The following MED27 variants were observed in gnomAD, a reference collection of about 807,000 sequenced individuals.
MED27 encodes the protein mediator complex subunit 27.
Under a neutral mutation model 38.2 loss-of-function variants are expected in MED27, and 30 were observed. That is an observed-to-expected ratio of 0.79 (90% CI 0.59 to 1.07). The LOEUF is 1.07. Among genes scored for constraint, MED27 ranks in the 50% least tolerant of loss-of-function variants. The probability of loss-of-function intolerance (pLI) is 0.00; values close to 1 mark genes in which losing one functional copy is unlikely to be tolerated. For synonymous variants in MED27, 122 were observed against 153.5 expected (o/e 0.79, Z 1.52); for missense variants, 289 against 397.5 (o/e 0.73, Z 2.32).
At chr9:132,056,660 A>G (rs929402916) in intron 2 of MED27, among the ~76,000 whole-genome samples, 1 of 152,226 alleles carries the variant, frequency 6.6e-6, no homozygotes, top group Non-Finnish European at 1.5e-5. Context: ...GAGCTCTTTC[A>G]GAAAAGCAAC....
intron 3 of MED27, among the ~76,000 whole-genome samples, chr9:131,944,557 TCG>T (rs1344127917): frequency 6.7e-6 from 1 of 150,272 alleles, no homozygotes; most frequent in Non-Finnish European, 1.5e-5. Context: ...AGATGGAGTC[TCG>T]CTCTGTCACC....
chr9:131,937,077 T>C (rs887452385), intron 4 of MED27, among the ~76,000 whole-genome samples: 3 of 152,132 alleles, frequency 2.0e-5, no homozygotes, highest in African/African-American at 7.2e-5. Context: ...TGACTAGCAG[T>C]AGGTAGTGGG....
chr9:131,982,244 G>A lies in MED27; in HGVS notation c.479+32093C>T, dbSNP rs571564755. ...AGAATGCTTGGCAGCTTTTGCTTTC[G>A]CACTCTTGGGAACCCTGAACTGCCA... On this transcript the variant is annotated intron_variant, in intron 3 of 7. Coordinates refer to ENST00000292035, the MANE Select transcript of MED27 (RefSeq NM_004269.4). This position sits in a 1 kb window ranked among gnomAD's most constrained non-coding sequence, Gnocchi z 4.3. 5.9e-5 allele frequency among the ~76,000 whole-genome samples: 9 copies of A among 152,254 alleles called. No homozygotes were observed. Among genetic ancestry groups the A allele is most frequent in the East Asian group, 1.9e-4 (1 of 5,174 alleles).
rs1041791003 is a variant in MED27 at position 131,883,753 on chromosome 9, C to T, written c.723+305G>A. The stretch of plus-strand genomic sequence containing the variant: ...TAATATAGTCCTGAGTTTTGACAAA[C>T]ATGTACGGCTGTGTAACACCGCCAC... On this transcript the variant is annotated intron_variant, in intron 6 of 7. Coordinates refer to ENST00000292035, the MANE Select transcript of MED27 (RefSeq NM_004269.4). This position sits in a 1 kb window ranked among gnomAD's most constrained non-coding sequence, Gnocchi z 4.2. Among the ~76,000 whole-genome samples, 16 of 152,190 alleles carry T rather than the reference C, an allele frequency of 1.1e-4. No homozygotes were observed. Among genetic ancestry groups the T allele is most frequent in the Non-Finnish European group, 2.9e-5 (2 of 68,032 alleles).
At chr9:131,882,474 T>C (rs1402912992) in intron 6 of MED27, among the ~76,000 whole-genome samples, 1 of 152,254 alleles carries the variant, frequency 6.6e-6, no homozygotes, top group East Asian at 1.9e-4. Context: ...CACCTTGATC[T>C]ACAAAAGAGT....
chr9:131,890,773 C>CAGCCCACA (rs1839215592), intron 5 of MED27, among the ~76,000 whole-genome samples: 1 of 152,144 alleles, frequency 6.6e-6, no homozygotes, highest in Admixed American at 6.5e-5. Context: ...CTGTGGGCAA[C>CAGCCCACA]GTTACCATTC....
intron 2 of MED27, among the ~76,000 whole-genome samples, chr9:132,029,281 C>G (rs1049544383): frequency 2.0e-5 from 3 of 152,180 alleles, no homozygotes; most frequent in African/African-American, 7.2e-5. Flanking sequence ...TTGCACAAGT[C>G]TTCAAATAGT....
Position 131,922,081 on chromosome 9 carries a change from T to C in MED27, c.573+17300A>G, listed in dbSNP as rs190744763. 3.9e-3 allele frequency among the ~76,000 whole-genome samples: 587 copies of C among 150,374 alleles called. 19 individuals are homozygous for C. The highest frequency in any genetic ancestry group is 0.037 in the Admixed American group (551 of 15,094). On this transcript the variant is annotated intron_variant, in intron 4 of 7. Coordinates refer to ENST00000292035, the MANE Select transcript of MED27 (RefSeq NM_004269.4). Reference sequence around the variant, plus strand: ...AGAAATACCTAATGTAAATGACGAGTTAACGGATGCAGCACACCAGTGTGG... The same window carrying C: ...AGAAATACCTAATGTAAATGACGAGCTAACGGATGCAGCACACCAGTGTGG...
intron 3 of MED27, among the ~76,000 whole-genome samples, chr9:131,991,573 TAACA>T (rs1409898008): frequency 6.6e-6 from 1 of 152,168 alleles, no homozygotes; most frequent in East Asian, 1.9e-4. Context: ...GCACCACACT[TAACA>T]TACATAAATA....
chr9:131,977,267 C>A (rs1831629586), intron 3 of MED27, among the ~76,000 whole-genome samples: 1 of 152,182 alleles, frequency 6.6e-6, no homozygotes, highest in Non-Finnish European at 1.5e-5. Context: ...GAAGTGGCGG[C>A]TCTGGAACCA....
intron 2 of MED27, among the ~76,000 whole-genome samples, chr9:132,035,959 C>T (rs984484701): frequency 7.9e-5 from 12 of 152,006 alleles, no homozygotes; most frequent in Non-Finnish European, 1.8e-4. Flanking sequence ...GAGCAAGACC[C>T]TGTCTCTAAA....
At chr9:131,870,636 C>T (rs1382961460) in intron 6 of MED27, among the ~76,000 whole-genome samples, 1 of 152,142 alleles carries the variant, frequency 6.6e-6, no homozygotes, top group Non-Finnish European at 1.5e-5. Flanking sequence ...CCACTCCAGG[C>T]CTCTTGGGGT....
chr9:131,860,347 A>C lies in MED27; in HGVS notation c.*191T>G. The C allele has an allele frequency of 3.5e-6, 2 of 567,694 alleles. No individual in the cohort carries two copies. The highest frequency in any genetic ancestry group is 5.6e-6 in the Non-Finnish European group (2 of 354,530). The allele number at this position is 567,694 out of a possible 1,614,324, so 35.2% of individuals were successfully genotyped here. A position where few individuals can be genotyped will look rare whatever the true frequency, so the allele number is the denominator to read the frequency against. ...GCCTTCAGTCCGCTGGCTAGTGGGA[A>C]TAATTAGTCCCATCAGCCACAGAGG... On this transcript the variant is annotated 3_prime_UTR_variant, in exon 8 of 8. Coordinates refer to ENST00000292035, the MANE Select transcript of MED27 (RefSeq NM_004269.4). This position sits in a 1 kb window ranked among gnomAD's most constrained non-coding sequence, Gnocchi z 5.8.
intron 4 of MED27, among the ~76,000 whole-genome samples, chr9:131,914,516 C>A (rs1197942246): frequency 2.0e-5 from 3 of 152,180 alleles, no homozygotes; most frequent in Non-Finnish European, 4.4e-5. Context: ...ATGAGGGATA[C>A]AAAAGCGTTG....
chr9:131,865,054 A>G (rs1218775944), intron 6 of MED27, among the ~76,000 whole-genome samples: 1 of 152,240 alleles, frequency 6.6e-6, no homozygotes, highest in Non-Finnish European at 1.5e-5. Context: ...TGCCCAATAC[A>G]TATTTGCTGA....
intron 3 of MED27, among the ~76,000 whole-genome samples, chr9:131,958,055 T>C (rs1831141062): frequency 6.6e-6 from 1 of 152,090 alleles, no homozygotes; most frequent in Non-Finnish European, 1.5e-5. Context: ...TTTGGGGTGA[T>C]ATTTACATAG....
chr9:132,066,448 G>A lies in MED27; in HGVS notation c.348+10994C>T, dbSNP rs751987084. On this transcript the variant is annotated intron_variant, in intron 2 of 7. Coordinates refer to ENST00000292035, the MANE Select transcript of MED27 (RefSeq NM_004269.4). Reference sequence around the variant, plus strand: ...CCAGGGTTGAAACAAGTTTGGCAACGTGATAAAAAGACAACAAAGTTCTTG... The same window carrying A: ...CCAGGGTTGAAACAAGTTTGGCAACATGATAAAAAGACAACAAAGTTCTTG... Among the ~76,000 whole-genome samples, 11 of 152,202 alleles carry A rather than the reference G, an allele frequency of 7.2e-5. 1 individual carries two copies. Among genetic ancestry groups the A allele is most frequent in the Non-Finnish European group, 1.6e-4 (11 of 68,044 alleles).
chr9:131,934,095 C>G (rs1033289324), intron 4 of MED27, among the ~76,000 whole-genome samples: 1 of 152,180 alleles, frequency 6.6e-6, no homozygotes, highest in Non-Finnish European at 1.5e-5. Context: ...GAAAGTAGAT[C>G]ACTGTCTCTC....
chr9:131,869,619 C>T (rs185243178), intron 6 of MED27, among the ~76,000 whole-genome samples: 4 of 152,056 alleles, frequency 2.6e-5, no homozygotes, highest in East Asian at 3.9e-4. Context: ...CAAAGGGATG[C>T]AAGCCCAAGG....
Sources: allele counts gnomAD v4.1 joint callset (sites outside exome capture counted in the v4.1 genomes callset), GRCh38; gene constraint gnomAD v4.1.1; non-coding constraint Gnocchi (gnomAD v3.1); transcripts MANE v1.5; gene names NCBI Gene and HGNC (gene_info 2026-07-23, HGNC 2026-07-21).